Variants in LOXL2 observed in about 807,000 individuals in gnomAD.
LOXL2 encodes the protein lysyl oxidase like 2.
A neutral mutation model predicts 93.0 loss-of-function variants in LOXL2; 70 were observed. The ratio of observed to expected loss-of-function variants is 0.75; its 90% confidence interval spans 0.62 to 0.92. The LOEUF (loss-of-function observed/expected upper bound fraction) is 0.92. LOXL2 is among the 40% of genes least tolerant of loss of function. LOXL2 has a pLI of 0.00. For synonymous variants in LOXL2, 438 were observed against 413.2 expected, an observed-to-expected ratio of 1.06 and a Z score of -0.73; for missense variants, 973 against 1,054.9, an observed-to-expected ratio of 0.92 and a Z score of 1.08.
intron 1 of LOXL2, among the ~76,000 whole-genome samples, chr8:23,369,464 C>G (rs1397959856): frequency 6.6e-6 from 1 of 152,152 alleles, no homozygotes; most frequent in South Asian, 2.1e-4. Flanking sequence ...TATTTTAACC[C>G]TATGCAGAGG....
chr8:23,372,985 G>A (rs1804522867), intron 1 of LOXL2, among the ~76,000 whole-genome samples: 1 of 152,070 alleles, frequency 6.6e-6, no homozygotes, highest in South Asian at 2.1e-4. Flanking sequence ...AACATATTAA[G>A]ATATTAAGAT....
intron 1 of LOXL2, among the ~76,000 whole-genome samples, chr8:23,378,608 G>A (rs13261714): frequency 0.3 from 45,270 of 152,048 alleles, 6,988 homozygotes; most frequent in East Asian, 0.43. Context: ...TTTTCACATA[G>A]TCCCATATTT....
intron 1 of LOXL2, among the ~76,000 whole-genome samples, chr8:23,381,265 C>A (rs1295706323): frequency 6.6e-6 from 1 of 152,112 alleles, no homozygotes; most frequent in Non-Finnish European, 1.5e-5. Flanking sequence ...ACATAATAAT[C>A]AAGTTTCTAA....
In LOXL2 at chr8:23,303,267, A is replaced by G. The variant is rs1168192099; in HGVS notation, c.1996+15T>C. 1.5e-5 allele frequency: 24 copies of G among 1,552,120 alleles called. No homozygotes were observed. Among genetic ancestry groups the G allele is most frequent in the Non-Finnish European group, 2.1e-5 (24 of 1,124,716 alleles). On this transcript the variant is annotated intron_variant, in intron 11 of 13. Transcript: ENST00000389131. ...TCCCTCTGAGGCCTCCCATCCCCCC[A>G]CTCCGCTCAGATACCTCCTTCACAT... is the stretch of plus-strand genomic sequence containing the variant.
intron 1 of LOXL2, among the ~76,000 whole-genome samples, chr8:23,381,723 G>A (rs1267984550): frequency 1.3e-5 from 2 of 152,174 alleles, no homozygotes; most frequent in Non-Finnish European, 2.9e-5. Flanking sequence ...CAACCTCAGG[G>A]AGGAAACACT....
At chr8:23,382,548 G>A (rs8180974) in intron 1 of LOXL2, 68,377 of 149,566 alleles carry the variant, frequency 0.46, 15,955 homozygotes, top group East Asian at 0.65. Context: ...TGCAATCAGC[G>A]AATGAACACA....
intron 4 of LOXL2, among the ~76,000 whole-genome samples, chr8:23,333,946 T>G (rs1803747787): frequency 6.6e-6 from 1 of 152,220 alleles, no homozygotes; most frequent in Non-Finnish European, 1.5e-5. Context: ...CACAAAGGTA[T>G]TTAAAACAGG....
intron 9 of LOXL2, among the ~76,000 whole-genome samples, chr8:23,315,782 A>T (rs1803384941): frequency 6.6e-6 from 1 of 151,978 alleles, no homozygotes; most frequent in Non-Finnish European, 1.5e-5. Flanking sequence ...AGCCACTACC[A>T]TTTTGCCAGC....
At chr8:23,305,499 G>GC (rs570548999) in intron 10 of LOXL2, among the ~76,000 whole-genome samples, 8 of 151,468 alleles carry the variant, frequency 5.3e-5, no homozygotes, top group Middle Eastern at 3.4e-3. Context: ...AGAGCCTAGA[G>GC]CCCCCCCACA....
chr8:23,355,707 T>C (rs914040263), intron 3 of LOXL2, among the ~76,000 whole-genome samples: 1 of 150,926 alleles, frequency 6.6e-6, no homozygotes, highest in African/African-American at 2.4e-5. Context: ...CTTCCTACGG[T>C]CAATCAATCC....
At chr8:23,307,726 A>G (rs973387675) in intron 10 of LOXL2, among the ~76,000 whole-genome samples, 4 of 152,160 alleles carry the variant, frequency 2.6e-5, no homozygotes, top group African/African-American at 9.7e-5. Context: ...GGAGCCAAGC[A>G]CCAAAACCGT....
At chr8:23,372,691 A>G (rs1240500048) in intron 1 of LOXL2, among the ~76,000 whole-genome samples, 1 of 152,252 alleles carries the variant, frequency 6.6e-6, no homozygotes, top group Non-Finnish European at 1.5e-5. Context: ...AAGTCAATCC[A>G]CCAGGATAAT....
intron 8 of LOXL2, among the ~76,000 whole-genome samples, chr8:23,318,076 AGAT>A (rs141061638): frequency 0.55 from 84,137 of 151,690 alleles, 25,674 homozygotes; most frequent in Non-Finnish European, 0.69. Flanking sequence ...GGCTGTTTTT[AGAT>A]GAGATTAACA....
chr8:23,301,895 C>T, intron 12 of LOXL2, 132 bp downstream of exon 12: 1 of 1,125,544 alleles, frequency 8.9e-7, no homozygotes, highest in Non-Finnish European at 1.3e-6. Flanking sequence ...GTGATGGCCT[C>T]TGGGGGTAGC....
chr8:23,312,526 T>G, intron 9 of LOXL2, among the ~76,000 whole-genome samples: 1 of 135,304 alleles, frequency 7.4e-6, no homozygotes, highest in African/African-American at 3.0e-5. Context: ...ATCCAGCATA[T>G]AAACAGAACC....
intron 3 of LOXL2, 24 bp downstream of exon 3, chr8:23,360,066 A>G: frequency 6.3e-7 from 1 of 1,579,780 alleles, no homozygotes; most frequent in Non-Finnish European, 8.7e-7. Context: ...TGCATGAAGG[A>G]AACATCAAGA....
chr8:23,360,611 T>C (rs1028683478), intron 2 of LOXL2, among the ~76,000 whole-genome samples: 2 of 152,166 alleles, frequency 1.3e-5, no homozygotes, highest in Admixed American at 6.5e-5. Context: ...ATAACCTTGG[T>C]CAAGGGCCCT....
intron 1 of LOXL2, among the ~76,000 whole-genome samples, chr8:23,372,583 A>G (rs1804513379): frequency 6.6e-6 from 1 of 152,172 alleles, no homozygotes; most frequent in African/African-American, 2.4e-5. Flanking sequence ...AAACAGATAT[A>G]CCATGCGTAC....
In LOXL2 at chr8:23,371,516, G is replaced by C. The variant is rs188531219; in HGVS notation, c.-83-3082C>G. ...GCCTGTAATCCCAGCACTTTGGGAG[G>C]CTGAGGCGGGCGGATCACAAGGTCA... On this transcript the variant is annotated intron_variant, in intron 1 of 13. Coordinates refer to ENST00000389131, the MANE Select transcript of LOXL2 (RefSeq NM_002318.3). Among the ~76,000 whole-genome samples the C allele has an allele frequency of 3.5e-3, 531 of 152,182 alleles. 3 individuals are homozygous for C. The highest frequency in any genetic ancestry group is 0.012 in the African/African-American group (515 of 41,500).
Sources: gnomAD v4.1 joint callset for allele counts (sites outside exome capture counted in the v4.1 genomes callset) on GRCh38, gnomAD v4.1.1 for gene constraint, MANE v1.5 for transcripts, NCBI Gene and HGNC (gene_info 2026-07-23, HGNC 2026-07-21) for gene names.